MCC: variants seen among roughly 807,000 people sequenced by gnomAD.
MCC encodes colorectal mutant cancer protein.
A neutral mutation model predicts 116.2 loss-of-function variants in MCC; 90 were observed. That is an observed-to-expected ratio of 0.77 (90% CI 0.65 to 0.92). The LOEUF (loss-of-function observed/expected upper bound fraction) is 0.92. Among genes scored for constraint, MCC ranks in the 40% least tolerant of loss-of-function variants. The probability of loss-of-function intolerance (pLI) is 0.00; values close to 1 mark genes in which losing one functional copy is unlikely to be tolerated. For missense variants in MCC, 1,516 were observed against 1,312.2 expected (o/e 1.16, Z -2.40); for synonymous variants, 578 against 510.5 (o/e 1.13, Z -1.78).
intron 3 of MCC, among the ~76,000 whole-genome samples, chr5:113,196,340 G>A (rs1231771812): frequency 6.6e-6 from 1 of 152,176 alleles, no homozygotes; most frequent in Non-Finnish European, 1.5e-5. Flanking sequence ...GATGGAAGTG[G>A]GTGAAGTGAG....
intron 3 of MCC, among the ~76,000 whole-genome samples, chr5:113,171,144 T>C (rs1312643959): frequency 6.6e-6 from 1 of 151,794 alleles, no homozygotes; most frequent in Non-Finnish European, 1.5e-5. Flanking sequence ...TTTAGCAGAG[T>C]GCTATCACAG....
intron 2 of MCC, among the ~76,000 whole-genome samples, chr5:113,381,739 G>A (rs1769128078): frequency 6.6e-6 from 1 of 152,148 alleles, no homozygotes; most frequent in Admixed American, 6.5e-5. Context: ...AGTGAGCCAT[G>A]ATTGCACCAC....
chr5:113,100,930 T>C (rs1285173043), intron 8 of MCC, among the ~76,000 whole-genome samples: 2 of 152,190 alleles, frequency 1.3e-5, no homozygotes, highest in African/African-American at 4.8e-5. Flanking sequence ...GATTGAGGAA[T>C]TCATTGCTTC....
chr5:113,157,412 T>A (rs1055143794), intron 3 of MCC, among the ~76,000 whole-genome samples: 6 of 152,198 alleles, frequency 3.9e-5, no homozygotes, highest in African/African-American at 1.4e-4. Context: ...CTTCAGTCTG[T>A]GCTTTGAACA....
chr5:113,370,461 CT>C (rs1158709650), intron 2 of MCC, among the ~76,000 whole-genome samples: 1 of 152,192 alleles, frequency 6.6e-6, no homozygotes, highest in Non-Finnish European at 1.5e-5. Context: ...ACCGTGGGTA[CT>C]AGCCCAATCC....
Position 113,043,779 on chromosome 5 carries a change from C to G in MCC, c.2656-149G>C, listed in dbSNP as rs187250532. 21 of 606,568 alleles carry G rather than the reference C, an allele frequency of 3.5e-5. No homozygotes were observed. The South Asian group carries it at 4.2e-4, about 12-fold the overall frequency. The allele number at this position is 606,568 out of a possible 1,614,324, so 37.6% of individuals were successfully genotyped here. On this transcript the variant is annotated intron_variant, in intron 16 of 18. Coordinates refer to ENST00000408903, the MANE Select transcript of MCC (RefSeq NM_001085377.2). ...CCTCAGGTCATGCCAAAGGGGAAAG[C>G]CTGGCAGCAAGCCAAAGAGGCCCCT...
intron 3 of MCC, among the ~76,000 whole-genome samples, chr5:113,243,859 T>C (rs1470483016): frequency 1.3e-5 from 2 of 152,214 alleles, no homozygotes; most frequent in African/African-American, 2.4e-5. Context: ...ACACCTAGCA[T>C]TTCCTTCTCT....
At chr5:113,236,855 C>T (rs1052438282) in intron 3 of MCC, among the ~76,000 whole-genome samples, 2 of 152,094 alleles carry the variant, frequency 1.3e-5, no homozygotes, top group Non-Finnish European at 2.9e-5. Flanking sequence ...TGGGTGGCTT[C>T]GCTGGGAGGC....
chr5:113,292,834 G>T (rs1263665131), intron 3 of MCC, among the ~76,000 whole-genome samples: 1 of 152,172 alleles, frequency 6.6e-6, no homozygotes, highest in African/African-American at 2.4e-5. Flanking sequence ...GGTTTTCAAT[G>T]ACCTTAGAAG....
intron 1 of MCC, among the ~76,000 whole-genome samples, chr5:113,468,400 G>T: frequency 6.6e-6 from 1 of 152,188 alleles, no homozygotes; most frequent in Non-Finnish European, 1.5e-5. Flanking sequence ...AAAGGTTGTT[G>T]AACTTTGTCA....
intron 3 of MCC, among the ~76,000 whole-genome samples, chr5:113,283,572 TAAAG>T (rs1766135511): frequency 6.6e-6 from 1 of 152,122 alleles, no homozygotes; most frequent in Non-Finnish European, 1.5e-5. Flanking sequence ...TGAGAAATTT[TAAAG>T]AAAGGAGAGG....
intron 3 of MCC, among the ~76,000 whole-genome samples, chr5:113,229,551 C>T (rs1763865785): frequency 2.0e-5 from 3 of 152,136 alleles, no homozygotes; most frequent in Admixed American, 6.5e-5. Flanking sequence ...TTCTAATGCC[C>T]TCTGCATGGG....
intron 3 of MCC, among the ~76,000 whole-genome samples, chr5:113,303,882 T>C (rs1297406097): frequency 6.6e-6 from 1 of 152,162 alleles, no homozygotes; most frequent in Non-Finnish European, 1.5e-5. Flanking sequence ...CTCGAACTCC[T>C]GACTTCAGGT....
At chr5:113,268,410 T>C (rs1765492860) in intron 3 of MCC, among the ~76,000 whole-genome samples, 1 of 152,218 alleles carries the variant, frequency 6.6e-6, no homozygotes, top group Non-Finnish European at 1.5e-5. Context: ...CCTTAGGATG[T>C]ACCACTGTCA....
chr5:113,487,383 T>C (rs1169803115), intron 1 of MCC, among the ~76,000 whole-genome samples: 1 of 152,214 alleles, frequency 6.6e-6, no homozygotes. Flanking sequence ...AACCATTCAA[T>C]AGAAGCATAC....
At chr5:113,340,787 T>G in intron 2 of MCC, 57 bp from the exon 3 acceptor site, 1 of 1,438,806 alleles carries the variant, frequency 7.0e-7, no homozygotes, top group Non-Finnish European at 9.6e-7. Context: ...AGCCTGTGGG[T>G]GGCCAATAGG....
intron 1 of MCC, among the ~76,000 whole-genome samples, chr5:113,406,300 C>T (rs1289395860): frequency 2.0e-5 from 3 of 152,182 alleles, no homozygotes; most frequent in Non-Finnish European, 4.4e-5. Context: ...GAAGGAAAGA[C>T]ATTGCTAGCT....
At chr5:113,062,058 C>T (rs1002870419) in intron 14 of MCC, among the ~76,000 whole-genome samples, 6 of 152,170 alleles carry the variant, frequency 3.9e-5, no homozygotes, top group Admixed American at 2.6e-4. Context: ...GTGGTTCTTC[C>T]ATCCTCGGAG....
At chr5:113,118,163 G>A (rs1231231964) in intron 6 of MCC, among the ~76,000 whole-genome samples, 2 of 152,194 alleles carry the variant, frequency 1.3e-5, no homozygotes, top group African/African-American at 2.4e-5. Flanking sequence ...TAAACATGAG[G>A]GATGCATGTA....
Sources: allele counts gnomAD v4.1 joint callset (sites outside exome capture counted in the v4.1 genomes callset), GRCh38; gene constraint gnomAD v4.1.1; transcripts MANE v1.5; gene names NCBI Gene and HGNC (gene_info 2026-07-23, HGNC 2026-07-21).